Variants in RAPGEF4 observed in about 807,000 individuals in gnomAD.
RAPGEF4 encodes the protein RAP guanine-nucleotide-exchange factor (GEF) 4.
A neutral mutation model predicts 147.9 loss-of-function variants in RAPGEF4; 66 were observed. That is an observed-to-expected ratio of 0.45 (90% CI 0.37 to 0.55). The LOEUF is 0.55. Among genes scored for constraint, RAPGEF4 ranks in the 20% least tolerant of loss-of-function variants. RAPGEF4 has a pLI of 0.00. For synonymous variants in RAPGEF4, 419 were observed against 442.7 expected, an observed-to-expected ratio of 0.95 and a Z score of 0.67; for missense variants, 1,071 against 1,257.3, an observed-to-expected ratio of 0.85 and a Z score of 2.24.
intron 6 of RAPGEF4, among the ~76,000 whole-genome samples, chr2:172,951,158 G>A (rs1332368061): frequency 1.3e-5 from 2 of 152,210 alleles, no homozygotes; most frequent in Admixed American, 6.5e-5. Context: ...ACTAGGAAGA[G>A]GGGAATTACT....
rs779974140 is a variant in RAPGEF4, at chr2:172,917,809, G to A, written c.452G>A (p.Arg151Gln). The change falls in exon 5 of 31, where the codon CGA becomes CAA. Residue 151 changes from arginine (R) to glutamine (Q), a missense_variant. Arg to Gln is a conservative substitution (Grantham distance 43). Transcript: ENST00000397081. ...KDFKALWEKY[R>Q]QYMAGLLAPP... ...TACAATCTTGTCTTTCAGAAATATC[G>A]ACAGTATATGGCAGGACTTCTGGCT... 39 of 1,612,624 alleles carry A rather than the reference G, an allele frequency of 2.4e-5. No homozygotes were observed. Among genetic ancestry groups the A allele is most frequent in the Admixed American group, 6.7e-5 (4 of 59,984 alleles).
At chr2:172,746,492 A>C (rs1361904050) in intron 1 of RAPGEF4, among the ~76,000 whole-genome samples, 1 of 152,240 alleles carries the variant, frequency 6.6e-6, no homozygotes, top group Non-Finnish European at 1.5e-5. Flanking sequence ...ATTGCACTGG[A>C]GTAATCTTAA....
intron 1 of RAPGEF4, among the ~76,000 whole-genome samples, chr2:172,789,071 A>G (rs1348148191): frequency 1.3e-5 from 2 of 152,186 alleles, no homozygotes; most frequent in East Asian, 1.9e-4. Context: ...TTCTTGCCAC[A>G]TGGCCCTCTC....
At chr2:172,823,039 C>T (rs1251272466) in intron 4 of RAPGEF4, among the ~76,000 whole-genome samples, 2 of 152,156 alleles carry the variant, frequency 1.3e-5, no homozygotes, top group Non-Finnish European at 2.9e-5. Context: ...AAATATGAGA[C>T]AAACTGAAAA....
At position 173,051,780 on chromosome 2, in the gene RAPGEF4, C is replaced by A; in HGVS notation, c.*13C>A. On this transcript the variant is annotated 3_prime_UTR_variant, in exon 31 of 31. Coordinates refer to ENST00000397081, the MANE Select transcript of RAPGEF4 (RefSeq NM_007023.4). ...TCGTCGACCATAGACATTTCAAATG[C>A]CCAAAGCAACAGTTTGTCTCCAGTC... The A allele has an allele frequency of 6.2e-7, 1 of 1,612,356 alleles. No homozygotes were observed.
intron 6 of RAPGEF4, among the ~76,000 whole-genome samples, chr2:172,945,778 A>G (rs527766484): frequency 6.6e-6 from 1 of 152,168 alleles, no homozygotes. Context: ...TAATTGATCT[A>G]TTTCTTCCAC....
chr2:173,025,487 G>A (rs1342729796), intron 23 of RAPGEF4, among the ~76,000 whole-genome samples: 1 of 152,112 alleles, frequency 6.6e-6, no homozygotes, highest in Non-Finnish European at 1.5e-5. Context: ...CTGTCGCCCA[G>A]GCTGGGGTGC....
intron 23 of RAPGEF4, among the ~76,000 whole-genome samples, chr2:173,026,177 C>T (rs3769218): frequency 0.039 from 5,898 of 152,238 alleles, 150 homozygotes; most frequent in South Asian, 0.077. Flanking sequence ...ACTGCCATGC[C>T]GTTACCTGCT....
intron 6 of RAPGEF4, among the ~76,000 whole-genome samples, chr2:172,931,728 T>C (rs1686000403): frequency 6.6e-6 from 1 of 152,176 alleles, no homozygotes; most frequent in South Asian, 2.1e-4. Flanking sequence ...CGGAGAGTCA[T>C]GGATGTTATC....
intron 4 of RAPGEF4, among the ~76,000 whole-genome samples, chr2:172,891,340 T>C (rs557477501): frequency 6.6e-5 from 10 of 152,322 alleles, no homozygotes; most frequent in East Asian, 1.9e-4. Flanking sequence ...AGATATTAAG[T>C]TTCAGGTATG....
At chr2:172,873,387 G>C (rs971795535) in intron 4 of RAPGEF4, among the ~76,000 whole-genome samples, 1 of 152,158 alleles carries the variant, frequency 6.6e-6, no homozygotes, top group African/African-American at 2.4e-5. Context: ...TGAAAGCCAA[G>C]ACATTTTAAC....
intron 4 of RAPGEF4, among the ~76,000 whole-genome samples, chr2:172,880,242 G>C (rs939165045): frequency 1.9e-4 from 29 of 152,220 alleles, no homozygotes; most frequent in Non-Finnish European, 4.4e-5. Context: ...GCTCTGGGGA[G>C]CTCAGGAAGC....
intron 4 of RAPGEF4, among the ~76,000 whole-genome samples, chr2:172,873,387 G>A (rs971795535): frequency 6.6e-6 from 1 of 152,158 alleles, no homozygotes; most frequent in Non-Finnish European, 1.5e-5. Flanking sequence ...TGAAAGCCAA[G>A]ACATTTTAAC....
intron 4 of RAPGEF4, among the ~76,000 whole-genome samples, chr2:172,820,953 T>G (rs1689004933): frequency 6.6e-6 from 1 of 152,162 alleles, no homozygotes; most frequent in Admixed American, 6.5e-5. Context: ...CAAGCCACAG[T>G]GAGAATAAGG....
intron 4 of RAPGEF4, among the ~76,000 whole-genome samples, chr2:172,825,033 C>A (rs1574957803): frequency 6.6e-6 from 1 of 152,166 alleles, no homozygotes; most frequent in Admixed American, 6.5e-5. Context: ...TTTGAGCATG[C>A]CTATTGCTTC....
chr2:172,919,851 T>C (rs1026410737), intron 5 of RAPGEF4, among the ~76,000 whole-genome samples: 1 of 152,042 alleles, frequency 6.6e-6, no homozygotes, highest in Non-Finnish European at 1.5e-5. Context: ...GCTCCAAACC[T>C]CAGCCATTTT....
chr2:172,816,781 C>T (rs957283288), intron 4 of RAPGEF4, among the ~76,000 whole-genome samples: 1 of 152,136 alleles, frequency 6.6e-6, no homozygotes, highest in Non-Finnish European at 1.5e-5. Context: ...TTGGAATTGA[C>T]AGGAGTGGAT....
At chr2:172,831,265 A>ATTTTTTTT (rs1491195850) in intron 4 of RAPGEF4, among the ~76,000 whole-genome samples, 1 of 16,624 alleles carries the variant, frequency 6.0e-5, no homozygotes, top group African/African-American at 1.5e-4. Flanking sequence ...CAGATAGAAA[A>ATTTTTTTT]CTTTTTTTTT....
At chr2:172,772,454 C>T (rs1007438015) in intron 1 of RAPGEF4, among the ~76,000 whole-genome samples, 6 of 151,942 alleles carry the variant, frequency 3.9e-5, no homozygotes, top group Non-Finnish European at 7.4e-5. Flanking sequence ...AGCAATTCTC[C>T]TGCCTCAGCC....
Sources: gnomAD v4.1 joint callset for allele counts (sites outside exome capture counted in the v4.1 genomes callset) on GRCh38, gnomAD v4.1.1 for gene constraint, MANE v1.5 for transcripts, NCBI Gene and HGNC (gene_info 2026-07-23, HGNC 2026-07-21) for gene names.